Variants in TRAPPC9 observed in about 807,000 individuals in gnomAD.
TRAPPC9 encodes the protein IKK2 binding protein.
A neutral mutation model predicts 124.0 loss-of-function variants in TRAPPC9; 83 were observed. The ratio of observed to expected loss-of-function variants is 0.67; its 90% CI spans 0.56 to 0.80. The LOEUF (loss-of-function observed/expected upper bound fraction) is 0.80. Ranked by LOEUF, TRAPPC9 falls within the 30% of genes least tolerant of loss-of-function variation. TRAPPC9 has a pLI of 0.00. For missense variants in TRAPPC9, 1,302 were observed against 1,508.3 expected, an observed-to-expected ratio of 0.86 and a Z score of 2.27; for synonymous variants, 638 against 617.5, an observed-to-expected ratio of 1.03 and a Z score of -0.49.
At chr8:140,378,948 G>A (rs980306231) in intron 7 of TRAPPC9, among the ~76,000 whole-genome samples, 1 of 152,152 alleles carries the variant, frequency 6.6e-6, no homozygotes, top group Non-Finnish European at 1.5e-5. Context: ...TGGGGATGGG[G>A]ATGGGGGGAT....
rs543575728 is a variant in TRAPPC9, at chr8:140,413,690, G to A, written c.887-7992C>T. 5.5e-4 allele frequency among the ~76,000 whole-genome samples: 67 copies of A among 121,892 alleles called. 1 individual carries two copies. The South Asian group carries it at 0.018, about 33-fold the overall frequency. 80.0% of individuals were successfully genotyped at this position (121,892 alleles called of 152,430 possible). ...CCCACCCCACAACAGTCCTCAGAGT[G>A]TGATATTCCCCTTCCTGTGTCCATA... is the stretch of plus-strand genomic sequence containing the variant. On this transcript the variant is annotated intron_variant, in intron 5 of 22. Coordinates refer to ENST00000438773, the MANE Select transcript of TRAPPC9 (RefSeq NM_001160372.4).
At chr8:139,734,541 G>A (rs1310183481) in intron 21 of TRAPPC9, among the ~76,000 whole-genome samples, 1 of 152,240 alleles carries the variant, frequency 6.6e-6, no homozygotes, top group Non-Finnish European at 1.5e-5. Context: ...AAGAGAGGCT[G>A]ATAGGTCAGA....
intron 19 of TRAPPC9, among the ~76,000 whole-genome samples, chr8:139,935,662 G>T (rs1189244858): frequency 6.7e-5 from 8 of 119,178 alleles, no homozygotes; most frequent in Non-Finnish European, 9.9e-5. Context: ...TGCTTCTTCA[G>T]TCTTTGCTTT....
At chr8:140,270,916 T>C (rs1480958234) in intron 15 of TRAPPC9, among the ~76,000 whole-genome samples, 1 of 152,224 alleles carries the variant, frequency 6.6e-6, no homozygotes, top group Non-Finnish European at 1.5e-5. Flanking sequence ...CAGCAGCCAC[T>C]CATGGATTTC....
At chr8:140,285,181 C>T (rs1347178880) in intron 13 of TRAPPC9, among the ~76,000 whole-genome samples, 1 of 152,166 alleles carries the variant, frequency 6.6e-6, no homozygotes, top group Non-Finnish European at 1.5e-5. Flanking sequence ...CTAGTCTGGA[C>T]CCAGGATAAA....
In TRAPPC9 at chr8:140,049,551, C is replaced by T. The variant is rs115542183; in HGVS notation, c.2557-25472G>A. On this transcript the variant is annotated intron_variant, in intron 17 of 22. Coordinates refer to ENST00000438773, the MANE Select transcript of TRAPPC9 (RefSeq NM_001160372.4). ...AAGATAAATCCTACAGGGCTCCCCC[C>T]CCCGAGACCACCAAATTATTTCCCT... is the stretch of plus-strand genomic sequence containing the variant. 8.0e-3 allele frequency among the ~76,000 whole-genome samples: 1,212 copies of T among 151,492 alleles called. 14 individuals are homozygous for T. The highest frequency in any genetic ancestry group is 0.028 in the African/African-American group (1,142 of 40,916).
intron 15 of TRAPPC9, among the ~76,000 whole-genome samples, chr8:140,266,878 C>A (rs1438367690): frequency 6.6e-6 from 1 of 150,760 alleles, no homozygotes; most frequent in Admixed American, 6.6e-5. Context: ...CAAAAAAAAA[C>A]CCACTCATCT....
intron 18 of TRAPPC9, among the ~76,000 whole-genome samples, chr8:140,015,515 C>T (rs1191086225): frequency 6.6e-6 from 1 of 152,146 alleles, no homozygotes; most frequent in Non-Finnish European, 1.5e-5. Flanking sequence ...TTACACAGGT[C>T]CCTATTAAGA....
chr8:139,835,780 A>C (rs905813697), intron 21 of TRAPPC9, among the ~76,000 whole-genome samples: 16 of 152,240 alleles, frequency 1.1e-4, no homozygotes, highest in African/African-American at 3.6e-4. Flanking sequence ...AACAAAAAAA[A>C]AAAAAGCTTC....
chr8:140,062,014 G>A (rs1028351812), intron 17 of TRAPPC9, among the ~76,000 whole-genome samples: 8 of 152,152 alleles, frequency 5.3e-5, no homozygotes, highest in Middle Eastern at 3.2e-3. Flanking sequence ...CCATTCCCTC[G>A]CAGGTGTGCG....
At chr8:139,813,434 C>T (rs966780654) in intron 21 of TRAPPC9, among the ~76,000 whole-genome samples, 1 of 152,208 alleles carries the variant, frequency 6.6e-6, no homozygotes, top group Non-Finnish European at 1.5e-5. Flanking sequence ...AGAGAAGGCA[C>T]CTTCTGGAAC....
intron 20 of TRAPPC9, among the ~76,000 whole-genome samples, chr8:139,898,287 C>T (rs1000764663): frequency 6.6e-6 from 1 of 152,236 alleles, no homozygotes; most frequent in Admixed American, 6.5e-5. Context: ...GCTTCAGATA[C>T]TTGTGGCCAT....
At chr8:139,764,799 T>C (rs1282170782) in intron 21 of TRAPPC9, among the ~76,000 whole-genome samples, 1 of 151,968 alleles carries the variant, frequency 6.6e-6, no homozygotes, top group Admixed American at 6.6e-5. Context: ...AGCTGCCCAC[T>C]CCCCACCACG....
chr8:139,774,385 C>T (rs1162307077), intron 21 of TRAPPC9, among the ~76,000 whole-genome samples: 3 of 152,156 alleles, frequency 2.0e-5, no homozygotes, highest in East Asian at 3.9e-4. Flanking sequence ...GCTGGGTGTG[C>T]GTGTGTCTGC....
At chr8:140,024,812 A>G (rs1342401351) in intron 17 of TRAPPC9, among the ~76,000 whole-genome samples, 1 of 151,142 alleles carries the variant, frequency 6.6e-6, no homozygotes, top group Non-Finnish European at 1.5e-5. Flanking sequence ...TCATTTCAAC[A>G]TCAGATGAGG....
intron 9 of TRAPPC9, among the ~76,000 whole-genome samples, chr8:140,325,187 T>C (rs1472953082): frequency 6.6e-6 from 1 of 152,224 alleles, no homozygotes; most frequent in Non-Finnish European, 1.5e-5. Context: ...ATTTGTGAGA[T>C]GTACCTGAAG....
chr8:140,411,792 A>C (rs929403973), intron 5 of TRAPPC9, among the ~76,000 whole-genome samples: 2 of 152,240 alleles, frequency 1.3e-5, no homozygotes, highest in African/African-American at 4.8e-5. Context: ...GCAATGGATT[A>C]GAACCTACTA....
At chr8:139,990,951 C>T (rs969647020) in intron 18 of TRAPPC9, among the ~76,000 whole-genome samples, 1 of 152,172 alleles carries the variant, frequency 6.6e-6, no homozygotes, top group Non-Finnish European at 1.5e-5. Flanking sequence ...GAGATGACAG[C>T]TCCCATCAGT....
Position 139,907,660 on chromosome 8 carries a change from C to T in TRAPPC9, c.2964+2487G>A, listed in dbSNP as rs1231025926. On this transcript the variant is annotated intron_variant, in intron 20 of 22. Transcript: ENST00000438773. The surrounding 1 kb of genome is among the most constrained non-coding windows in gnomAD (Gnocchi z 4.7). ...GGACAATCAAGCTCTCATAAACTTC[C>T]GATCAGTAAATGTATGGGGCAGATG... Among the ~76,000 whole-genome samples the T allele has an allele frequency of 3.3e-5, 5 of 152,036 alleles. No individual in the cohort carries two copies. Among genetic ancestry groups the T allele is most frequent in the African/African-American group, 7.2e-5 (3 of 41,384 alleles).
Sources: gnomAD v4.1 joint callset for allele counts (sites outside exome capture counted in the v4.1 genomes callset) on GRCh38, gnomAD v4.1.1 for gene constraint, Gnocchi (gnomAD v3.1) non-coding constraint, MANE v1.5 for transcripts, NCBI Gene and HGNC (gene_info 2026-07-23, HGNC 2026-07-21) for gene names.